Variants in DENND4C observed in about 807,000 individuals in gnomAD.
DENND4C encodes DENN domain-containing protein 4C.
Under a neutral mutation model 203.0 loss-of-function variants are expected in DENND4C, and 108 were observed. That is an observed-to-expected ratio of 0.53 (90% CI 0.46 to 0.62). The LOEUF is 0.62. DENND4C is among the 20% of genes least tolerant of loss of function. The pLI is 0.00. For missense variants in DENND4C, 2,481 were observed against 2,301.2 expected, an observed-to-expected ratio of 1.08 and a Z score of -1.60; for synonymous variants, 871 against 792.4, an observed-to-expected ratio of 1.10 and a Z score of -1.67.
At chr9:19,324,172 A>T (rs1161718973) in intron 12 of DENND4C, among the ~76,000 whole-genome samples, 190 bp from the exon 13 acceptor site, 1 of 152,136 alleles carries the variant, frequency 6.6e-6, no homozygotes, top group African/African-American at 2.4e-5. Flanking sequence ...AAAAATCCGA[A>T]ATCTGAAACA....
intron 2 of DENND4C, among the ~76,000 whole-genome samples, chr9:19,285,238 C>T (rs1172392835): frequency 6.6e-6 from 1 of 152,048 alleles, no homozygotes; most frequent in South Asian, 2.1e-4. Flanking sequence ...CTAATACTCT[C>T]CTGATTTAAA....
chr9:19,329,102 G>A (rs1818514717), intron 16 of DENND4C, among the ~76,000 whole-genome samples: 1 of 152,134 alleles, frequency 6.6e-6, no homozygotes, highest in Non-Finnish European at 1.5e-5. Context: ...CCCACTTAAA[G>A]TGTATGATTT....
intron 19 of DENND4C, 113 bp from the exon 20 acceptor site, chr9:19,336,573 T>C: frequency 7.0e-7 from 1 of 1,437,780 alleles, no homozygotes; most frequent in Non-Finnish European, 9.2e-7. Context: ...TTTGTTTTTT[T>C]CCAGAAATTT....
At chr9:19,333,442 A>G (rs1819731230) in intron 17 of DENND4C, among the ~76,000 whole-genome samples, 1 of 152,108 alleles carries the variant, frequency 6.6e-6, no homozygotes, top group South Asian at 2.1e-4. Flanking sequence ...TACATTGTGT[A>G]GGATGTTTAG....
In DENND4C at chr9:19,286,989, T is replaced by G; in HGVS notation, c.526T>G (p.Cys176Gly). 1 of 1,232,132 alleles carries G rather than the reference T, an allele frequency of 8.1e-7. No individual in the cohort carries two copies. 76.3% of individuals were successfully genotyped at this position (1,232,132 alleles called of 1,614,324 possible). The change falls in exon 3 of 33, where the codon TGC becomes GGC. Residue 176 changes from cysteine (C) to glycine (G), a missense_variant. Physicochemically the swap from Cys to Gly is radical, Grantham distance 159. Coordinates refer to ENST00000434457, the MANE Select transcript of DENND4C (RefSeq NM_001330640.2). ...AGGAGAAACTCCTCCTCATACCTTC[T>G]GCAAAGTTGACAAAAACTTAAATTG... Reference protein sequence around the residue: ...SKGETPPHTFCKVDKNLNCGM... With the variant: ...SKGETPPHTFGKVDKNLNCGM...
intron 10 of DENND4C, among the ~76,000 whole-genome samples, chr9:19,314,512 A>G (rs552531869): frequency 6.6e-6 from 1 of 152,152 alleles, no homozygotes; most frequent in Non-Finnish European, 1.5e-5. Flanking sequence ...AATCACCACT[A>G]AAGAACTAAT....
At chr9:19,263,970 C>G (rs774778432) in intron 1 of DENND4C, among the ~76,000 whole-genome samples, 2 of 151,998 alleles carry the variant, frequency 1.3e-5, no homozygotes, top group Non-Finnish European at 2.9e-5. Context: ...AATTTTCTTT[C>G]TTTGATGTGT....
At chr9:19,302,820 G>C (rs1014607473) in intron 9 of DENND4C, among the ~76,000 whole-genome samples, 1 of 152,138 alleles carries the variant, frequency 6.6e-6, no homozygotes, top group African/African-American at 2.4e-5. Context: ...TGCCCTAGCT[G>C]TTCCTTCTCA....
In DENND4C at chr9:19,364,935, G is replaced by A. The variant is rs187213584; in HGVS notation, c.5524+2972G>A. Reference sequence around the variant, plus strand: ...CGAAAAAAAAAGAAATTTTGCCCAGGGGGAGAGGCAGGTCATAAGAATAGA... The same window carrying A: ...CGAAAAAAAAAGAAATTTTGCCCAGAGGGAGAGGCAGGTCATAAGAATAGA... On this transcript the variant is annotated intron_variant, in intron 30 of 32. Coordinates refer to ENST00000434457, the MANE Select transcript of DENND4C (RefSeq NM_001330640.2). Among the ~76,000 whole-genome samples, 64 of 152,148 alleles carry A rather than the reference G, an allele frequency of 4.2e-4. No individual in the cohort carries two copies. In the East Asian group the frequency reaches 7.5e-3, roughly 18 times the overall value.
intron 26 of DENND4C, among the ~76,000 whole-genome samples, chr9:19,356,565 A>G (rs1588980224): frequency 6.6e-6 from 1 of 152,164 alleles, no homozygotes; most frequent in Non-Finnish European, 1.5e-5. Flanking sequence ...ATTATAAGTA[A>G]TTATAGGTTA....
intron 1 of DENND4C, among the ~76,000 whole-genome samples, chr9:19,246,554 T>C (rs1825319813): frequency 1.3e-5 from 2 of 152,286 alleles, no homozygotes; most frequent in Non-Finnish European, 2.9e-5. Context: ...TGTTTGTTTG[T>C]TTATTTATTG....
At chr9:19,244,070 G>T (rs951365169) in intron 1 of DENND4C, among the ~76,000 whole-genome samples, 2 of 151,788 alleles carry the variant, frequency 1.3e-5, no homozygotes, top group Admixed American at 6.6e-5. Context: ...TTACTCTGCC[G>T]CCCAGGCTGA....
Position 19,273,011 on chromosome 9 carries a change from C to T in DENND4C, c.-17-3147C>T, listed in dbSNP as rs553160005. Among the ~76,000 whole-genome samples the T allele has an allele frequency of 2.1e-3, 294 of 138,990 alleles. 2 individuals are homozygous for T. The highest frequency in any genetic ancestry group is 7.5e-3 in the African/African-American group (273 of 36,312). The allele number at this position is 138,990 out of a possible 152,430, so 91.2% of individuals were successfully genotyped here. A position where few individuals can be genotyped will look rare whatever the true frequency, so the allele number is the denominator to read the frequency against. On this transcript the variant is annotated intron_variant, in intron 1 of 32. Transcript: ENST00000434457. ...TCACCCAGGCTGGAGTGCAGTGGCGCGATCTTGGCTCACTGCAAGCTCCAC... is the reference window on the plus strand; with the variant it reads ...TCACCCAGGCTGGAGTGCAGTGGCGTGATCTTGGCTCACTGCAAGCTCCAC...
At chr9:19,230,621 A>T (rs1332702352), upstream of DENND4C, 25 of 152,106 alleles carry the variant, frequency 1.6e-4, no homozygotes, top group Admixed American at 1.6e-3. Context: ...CGCGCGGGCC[A>T]GCGCTCCGGC....
intron 1 of DENND4C, among the ~76,000 whole-genome samples, chr9:19,232,442 TG>T (rs34581510): frequency 0.28 from 41,877 of 152,080 alleles, 5,802 homozygotes; most frequent in Admixed American, 0.31. Flanking sequence ...TAGTACCTCG[TG>T]CAGTGTACAG....
intron 1 of DENND4C, among the ~76,000 whole-genome samples, chr9:19,245,479 ATG>A (rs1824957350): frequency 6.7e-6 from 1 of 150,070 alleles, no homozygotes; most frequent in East Asian, 2.0e-4. Flanking sequence ...AAAAAAAAAA[ATG>A]TGTTCCAGGT....
intron 30 of DENND4C, among the ~76,000 whole-genome samples, chr9:19,362,835 T>C (rs1173097532): frequency 1.3e-5 from 2 of 152,250 alleles, no homozygotes; most frequent in African/African-American, 4.8e-5. Flanking sequence ...TTTAAAGAGT[T>C]ATTATTCATG....
intron 26 of DENND4C, among the ~76,000 whole-genome samples, chr9:19,354,549 CTTTTTTTTTT>C (rs66823332): frequency 3.4e-5 from 3 of 87,294 alleles, no homozygotes; most frequent in Admixed American, 1.5e-4. Flanking sequence ...TTATTCTAGC[CTTTTTTTTTT>C]TTTTTTTTTT....
At chr9:19,251,531 T>C (rs1712417802) in intron 1 of DENND4C, among the ~76,000 whole-genome samples, 1 of 152,256 alleles carries the variant, frequency 6.6e-6, no homozygotes, top group Non-Finnish European at 1.5e-5. Flanking sequence ...CTTGAATTTC[T>C]CCTCAGAAAA....
Sources: allele counts gnomAD v4.1 joint callset (sites outside exome capture counted in the v4.1 genomes callset), GRCh38; gene constraint gnomAD v4.1.1; transcripts MANE v1.5; gene names NCBI Gene and HGNC (gene_info 2026-07-23, HGNC 2026-07-21).